TTC7A: variants seen among roughly 807,000 people sequenced by gnomAD.
The protein encoded by TTC7A is tetratricopeptide repeat protein 7A.
Under a neutral mutation model 103.7 loss-of-function variants are expected in TTC7A, and 110 were observed. That is an observed-to-expected ratio of 1.06 (90% confidence interval 0.91 to 1.24). The LOEUF (loss-of-function observed/expected upper bound fraction) is 1.24. Ranked by LOEUF, TTC7A falls within the 50% of genes most tolerant of loss-of-function variation. The pLI is 0.00. For missense variants in TTC7A, 1,340 were observed against 1,116.3 expected (o/e 1.20, Z -2.86); for synonymous variants, 521 against 467.9 (o/e 1.11, Z -1.47).
intron 10 of TTC7A, among the ~76,000 whole-genome samples, chr2:47,008,613 T>G (rs919050183): frequency 2.0e-5 from 3 of 152,164 alleles, no homozygotes; most frequent in African/African-American, 7.2e-5. Context: ...AGCAGGAGAT[T>G]GTTCTGGAAA....
At chr2:46,969,649 G>A (rs1217194810) in intron 3 of TTC7A, among the ~76,000 whole-genome samples, 1 of 151,982 alleles carries the variant, frequency 6.6e-6, no homozygotes, top group Non-Finnish European at 1.5e-5. Context: ...CTGACCTCGT[G>A]ATCCGTCCGC....
chr2:47,036,179 G>T (rs1681083962), intron 15 of TTC7A, among the ~76,000 whole-genome samples: 1 of 152,206 alleles, frequency 6.6e-6, no homozygotes, highest in East Asian at 1.9e-4. Context: ...AAACAGATAA[G>T]AATGCCATGT....
At chr2:47,046,455 G>GGGTTGCCAGAGGGT (rs1558623657) in intron 16 of TTC7A, 24 bp downstream of exon 16, 1 of 1,600,504 alleles carries the variant, frequency 6.2e-7, no homozygotes, top group Non-Finnish European at 8.6e-7. Context: ...ATTGTCTCTT[G>GGGTTGCCAGAGGGT]GGTTGCCAGA....
chr2:46,964,551 G>A (rs1672674621), intron 3 of TTC7A, among the ~76,000 whole-genome samples: 1 of 152,170 alleles, frequency 6.6e-6, no homozygotes, highest in African/African-American at 2.4e-5. Flanking sequence ...TCAGCACTCT[G>A]TCTGGGGCAA....
At chr2:46,929,662 C>T (rs1410018491) in intron 2 of TTC7A, among the ~76,000 whole-genome samples, 3 of 152,068 alleles carry the variant, frequency 2.0e-5, no homozygotes, top group Non-Finnish European at 2.9e-5. Context: ...TCCTTAAATG[C>T]ATGTATCTTA....
intron 9 of TTC7A, 42 bp downstream of exon 9, chr2:47,006,101 G>A: frequency 6.2e-7 from 1 of 1,602,028 alleles, no homozygotes; most frequent in Non-Finnish European, 8.5e-7. Flanking sequence ...CCGGAGTCAG[G>A]TGGTCTGTAA....
At chr2:46,969,555 A>G (rs1224789108) in intron 3 of TTC7A, among the ~76,000 whole-genome samples, 1 of 152,140 alleles carries the variant, frequency 6.6e-6, no homozygotes, top group Non-Finnish European at 1.5e-5. Context: ...GCTGGGATTT[A>G]CAGGCATGTG....
rs377605765 is a variant in TTC7A, at chr2:47,038,097, A to G, written c.1803-8218A>G. Among the ~76,000 whole-genome samples the G allele has an allele frequency of 9.0e-4, 137 of 152,108 alleles. 1 individual carries two copies. The highest frequency in any genetic ancestry group is 3.1e-3 in the African/African-American group (128 of 41,494). On this transcript the variant is annotated intron_variant, in intron 15 of 19. Transcript: ENST00000319190. ...GAAACCCCATCTGTACTAAAAATAA[A>G]TTTAAAAAAAAATAAGCCAGGCGTG...
intron 3 of TTC7A, among the ~76,000 whole-genome samples, chr2:46,963,453 T>C (rs1482871427): frequency 6.6e-6 from 1 of 152,274 alleles, no homozygotes; most frequent in Non-Finnish European, 1.5e-5. Flanking sequence ...CCGGTAGTGC[T>C]GCTGCTGTCT....
intron 15 of TTC7A, among the ~76,000 whole-genome samples, chr2:47,036,695 A>G (rs1681142635): frequency 6.6e-6 from 1 of 152,196 alleles, no homozygotes; most frequent in African/African-American, 2.4e-5. Flanking sequence ...CGTCTGTACA[A>G]AAAATTTTAA....
At chr2:47,024,017 T>C (rs1679598914) in intron 13 of TTC7A, among the ~76,000 whole-genome samples, 1 of 150,296 alleles carries the variant, frequency 6.7e-6, no homozygotes, top group Non-Finnish European at 1.5e-5. Context: ...TTCTTTGGGG[T>C]CTGTCACCCC....
At chr2:46,975,223 C>A in intron 4 of TTC7A, 120 bp downstream of exon 4, 1 of 1,309,804 alleles carries the variant, frequency 7.6e-7, no homozygotes, top group Non-Finnish European at 1.1e-6. Context: ...TCTCTGTCCC[C>A]CAAAGACACT....
At chr2:46,964,723 A>G (rs1672686191) in intron 3 of TTC7A, among the ~76,000 whole-genome samples, 1 of 151,986 alleles carries the variant, frequency 6.6e-6, no homozygotes, top group Non-Finnish European at 1.5e-5. Flanking sequence ...TGCTCTTTGG[A>G]CATCTCTAGC....
At position 46,941,458 on chromosome 2, in the gene TTC7A, C is replaced by G; in HGVS notation, c.-84C>G. The G allele has an allele frequency of 4.2e-6, 6 of 1,426,678 alleles. No homozygotes were observed. The highest frequency in any genetic ancestry group is 5.6e-6 in the Non-Finnish European group (6 of 1,077,350). The allele number at this position is 1,426,678 out of a possible 1,614,324, so 88.4% of individuals were successfully genotyped here. On this transcript the variant is annotated 5_prime_UTR_variant, in exon 1 of 20. Transcript: ENST00000319190. The surrounding 1 kb of genome is among the most constrained non-coding windows in gnomAD (Gnocchi z 4.2). Reference sequence around the variant, plus strand: ...CGTCTGCGCCCCCGTCGACCCCGCCCGCGAGTGCGCCCCAGCCAGGACGCC... The same window carrying G: ...CGTCTGCGCCCCCGTCGACCCCGCCGGCGAGTGCGCCCCAGCCAGGACGCC...
intron 3 of TTC7A, among the ~76,000 whole-genome samples, chr2:46,966,010 C>T (rs997130819): frequency 6.6e-6 from 1 of 151,898 alleles, no homozygotes; most frequent in African/African-American, 2.4e-5. Flanking sequence ...AGTGCAATGG[C>T]ACGATCTCAG....
chr2:47,060,243 G>T (rs1299312588), intron 18 of TTC7A, among the ~76,000 whole-genome samples: 1 of 152,158 alleles, frequency 6.6e-6, no homozygotes, highest in Non-Finnish European at 1.5e-5. Context: ...GGTGGTGCGT[G>T]CCTGTAACCC....
At chr2:47,043,758 G>T (rs1232366056) in intron 15 of TTC7A, among the ~76,000 whole-genome samples, 1 of 152,182 alleles carries the variant, frequency 6.6e-6, no homozygotes, top group African/African-American at 2.4e-5. Context: ...CAGAAAGGAT[G>T]TGGTCGGGTT....
intron 15 of TTC7A, among the ~76,000 whole-genome samples, chr2:47,044,050 G>T (rs533473219): frequency 1.3e-5 from 2 of 151,820 alleles, no homozygotes; most frequent in African/African-American, 4.8e-5. Flanking sequence ...CTGTCCCCAG[G>T]AACCAGCCCA....
Position 47,061,000 on chromosome 2 carries a change from ACCT to A in TTC7A, c.2355+35_2355+37del. Reference sequence around the variant, plus strand: ...AGTCAGAGCCCCCCGCGCTCCCACCACCTCCTCCCACAGCCTCAGGGCCCTTAT... The same window carrying A: ...AGTCAGAGCCCCCCGCGCTCCCACCACCTCCCACAGCCTCAGGGCCCTTAT... On this transcript the variant is annotated intron_variant, in intron 19 of 19. Coordinates refer to ENST00000319190, the MANE Select transcript of TTC7A (RefSeq NM_020458.4). 3 of 1,547,532 alleles carry A rather than the reference ACCT, an allele frequency of 1.9e-6. No individual in the cohort carries two copies. The South Asian group carries it at 3.5e-5, about 18-fold the overall frequency.
Sources: allele counts gnomAD v4.1 joint callset (sites outside exome capture counted in the v4.1 genomes callset), GRCh38; gene constraint gnomAD v4.1.1; non-coding constraint Gnocchi (gnomAD v3.1); transcripts MANE v1.5; gene names NCBI Gene and HGNC (gene_info 2026-07-23, HGNC 2026-07-21).